CREB5: variants seen among roughly 807,000 people sequenced by gnomAD.
The protein encoded by CREB5 is cyclic AMP-responsive element-binding protein 5.
CREB5 carries 19 observed loss-of-function variants against 57.1 expected under a neutral mutation model. That is an observed-to-expected ratio of 0.33 (90% CI 0.23 to 0.49). The LOEUF is 0.49. CREB5 is among the 20% of genes least tolerant of loss of function. The probability of loss-of-function intolerance (pLI) is 0.99; values close to 1 mark genes in which losing one functional copy is unlikely to be tolerated. For synonymous variants in CREB5, 238 were observed against 238.3 expected (o/e 1.00, Z 0.01); for missense variants, 579 against 671.6 (o/e 0.86, Z 1.52).
chr7:28,435,271 G>C (rs139119379), intron 1 of CREB5, among the ~76,000 whole-genome samples: 3 of 151,816 alleles, frequency 2.0e-5, no homozygotes, highest in Admixed American at 1.3e-4. Context: ...GGGGTGGATC[G>C]TTAAAAGCCT....
chr7:28,301,768 T>G (rs1222412318), intron 1 of CREB5, among the ~76,000 whole-genome samples: 1 of 152,244 alleles, frequency 6.6e-6, no homozygotes, highest in African/African-American at 2.4e-5. Context: ...AGGTTTGTTT[T>G]GTTTAGCTCA....
chr7:28,560,847 CGTGT>C lies in CREB5; in HGVS notation c.292-9510_292-9507del, dbSNP rs1284367626. 1.4e-4 allele frequency among the ~76,000 whole-genome samples: 6 copies of C among 42,240 alleles called. 2 individuals are homozygous for C. The highest frequency in any genetic ancestry group is 1.0e-3 in the Admixed American group (4 of 3,872). 27.7% of individuals were successfully genotyped at this position (42,240 alleles called of 152,430 possible). A position where few individuals can be genotyped will look rare whatever the true frequency, so the allele number is the denominator to read the frequency against. On this transcript the variant is annotated intron_variant, in intron 4 of 10. Transcript: ENST00000357727. ...GCGCGCGCGCGCGTGTGTGTGTGCG[CGTGT>C]GTGTGTGCGTGTGCCTGCGTGCGCG...
intron 1 of CREB5, among the ~76,000 whole-genome samples, chr7:28,306,812 C>T (rs369386775): frequency 2.0e-5 from 3 of 152,008 alleles, no homozygotes; most frequent in East Asian, 1.9e-4. Context: ...CCGCCCGCCT[C>T]GGCCTCCCAA....
chr7:28,811,114 G>GTAACTTATT (rs1298694456), intron 9 of CREB5, among the ~76,000 whole-genome samples: 7 of 152,136 alleles, frequency 4.6e-5, no homozygotes, highest in African/African-American at 1.7e-4. Context: ...GCTGTTTATA[G>GTAACTTATT]TGTAGTGTCT....
At chr7:28,512,710 A>G (rs1792765675) in intron 4 of CREB5, among the ~76,000 whole-genome samples, 1 of 152,050 alleles carries the variant, frequency 6.6e-6, no homozygotes, top group African/African-American at 2.4e-5. Flanking sequence ...TGAAGGGACT[A>G]GAAATGAACT....
At chr7:28,806,898 G>C (rs983375494) in intron 8 of CREB5, among the ~76,000 whole-genome samples, 2 of 152,198 alleles carry the variant, frequency 1.3e-5, no homozygotes, top group Admixed American at 6.5e-5. Context: ...CTGGCAATAA[G>C]AGATTATAAT....
At chr7:28,773,960 C>T (rs34805069) in intron 7 of CREB5, among the ~76,000 whole-genome samples, 43,913 of 152,094 alleles carry the variant, frequency 0.29, 6,899 homozygotes, top group South Asian at 0.41. Context: ...AACATAAAGA[C>T]TTCAGCTGGA....
chr7:28,491,585 A>T (rs896737762), intron 2 of CREB5, among the ~76,000 whole-genome samples: 17 of 152,226 alleles, frequency 1.1e-4, no homozygotes, highest in African/African-American at 4.1e-4. Flanking sequence ...CCCACTTCAG[A>T]TTTAAATGTA....
At chr7:28,721,555 G>A (rs1340869873) in intron 6 of CREB5, among the ~76,000 whole-genome samples, 1 of 152,170 alleles carries the variant, frequency 6.6e-6, no homozygotes, top group Non-Finnish European at 1.5e-5. Flanking sequence ...AGAAGTCTGT[G>A]TCTATAAGTG....
intron 4 of CREB5, among the ~76,000 whole-genome samples, chr7:28,545,992 T>C (rs544699421): frequency 6.6e-6 from 1 of 152,338 alleles, no homozygotes; most frequent in East Asian, 1.9e-4. Flanking sequence ...CAATCGATCT[T>C]GGAACATTTT....
chr7:28,790,496 GAAAA>G (rs1287525030), intron 7 of CREB5, among the ~76,000 whole-genome samples: 1 of 150,984 alleles, frequency 6.6e-6, no homozygotes, highest in African/African-American at 2.4e-5. Flanking sequence ...GAAAGAGAAG[GAAAA>G]AGAAAGAAAA....
chr7:28,730,686 A>T (rs554648004), intron 7 of CREB5, among the ~76,000 whole-genome samples: 1 of 152,184 alleles, frequency 6.6e-6, no homozygotes, highest in Non-Finnish European at 1.5e-5. Flanking sequence ...TACAAATTGC[A>T]AACTGCTTCC....
chr7:28,620,700 C>A (rs1330274029), intron 5 of CREB5, among the ~76,000 whole-genome samples: 2 of 152,136 alleles, frequency 1.3e-5, no homozygotes, highest in Admixed American at 6.5e-5. Flanking sequence ...AGAGCCGCTA[C>A]GGTCAAAGAG....
chr7:28,481,653 C>G (rs1791338546), intron 1 of CREB5, among the ~76,000 whole-genome samples: 1 of 152,162 alleles, frequency 6.6e-6, no homozygotes, highest in South Asian at 2.1e-4. Context: ...AATTCAGATT[C>G]TGACTGCAGC....
intron 5 of CREB5, among the ~76,000 whole-genome samples, chr7:28,578,454 T>A (rs1025385214): frequency 4.6e-5 from 7 of 152,194 alleles, no homozygotes; most frequent in Non-Finnish European, 8.8e-5. Context: ...ACTGAACATG[T>A]TAGGAGAAAT....
chr7:28,399,441 CAT>C (rs1787405331), intron 1 of CREB5, among the ~76,000 whole-genome samples: 2 of 141,416 alleles, frequency 1.4e-5, no homozygotes, highest in East Asian at 4.1e-4. Context: ...AAAAAAGACA[CAT>C]AGAGCAATGG....
chr7:28,310,114 T>A (rs1785250329), intron 1 of CREB5, among the ~76,000 whole-genome samples: 1 of 151,870 alleles, frequency 6.6e-6, no homozygotes, highest in South Asian at 2.1e-4. Flanking sequence ...CAAAGTGCAG[T>A]ATGAGGTCAA....
intron 1 of CREB5, among the ~76,000 whole-genome samples, chr7:28,342,920 T>C (rs911477963): frequency 2.6e-5 from 4 of 152,202 alleles, no homozygotes; most frequent in Non-Finnish European, 5.9e-5. Context: ...TCCTTTCTTC[T>C]GGCTATTTTG....
At chr7:28,611,489 T>TAAAAAAAAAAAAAA (rs59192497) in intron 5 of CREB5, among the ~76,000 whole-genome samples, 3 of 47,982 alleles carry the variant, frequency 6.3e-5, no homozygotes, top group African/African-American at 2.8e-4. Context: ...CCATCTCTAC[T>TAAAAAAAAAAAAAA]AAAAAAAAAA....
Sources: gnomAD v4.1 joint callset for allele counts (sites outside exome capture counted in the v4.1 genomes callset) on GRCh38, gnomAD v4.1.1 for gene constraint, MANE v1.5 for transcripts, NCBI Gene and HGNC (gene_info 2026-07-23, HGNC 2026-07-21) for gene names.